The following SEC11A variants were observed in gnomAD, a reference collection of about 807,000 sequenced individuals.
SEC11A encodes the protein SEC11 homolog A, signal peptidase complex subunit, also known as signal peptidase complex catalytic subunit SEC11A.
A neutral mutation model predicts 25.6 loss-of-function variants in SEC11A; 14 were observed. The observed-to-expected ratio is 0.55, with a 90% confidence interval of 0.36 to 0.85. The LOEUF (loss-of-function observed/expected upper bound fraction) is 0.85, where lower values mean the gene tolerates loss of function less well. Ranked by LOEUF, SEC11A falls within the 40% of genes least tolerant of loss-of-function variation. The pLI is 0.01. For synonymous variants in SEC11A, 83 were observed against 76.4 expected, an observed-to-expected ratio of 1.09 and a Z score of -0.45; for missense variants, 153 against 222.9, an observed-to-expected ratio of 0.69 and a Z score of 2.00.
At chr15:84,695,582 G>C (rs1897743827) in intron 1 of SEC11A, among the ~76,000 whole-genome samples, 1 of 152,194 alleles carries the variant, frequency 6.6e-6, no homozygotes. Flanking sequence ...AGTGAGCTAT[G>C]ATTGCCCCAC....
chr15:84,687,744 T>A lies in SEC11A; in HGVS notation c.192A>T (p.Gly64=), dbSNP rs1897471954. The part of the protein sequence containing the change: ...SGSMEPAFHR[G]DLLFLTNRVE... ...CTCGATTTGTTAGAAAGAGAAGATC[T>A]CCTCTATGAAATGCAGGTTCCATGC... Residue 64 remains glycine, a synonymous_variant, in exon 3 of 6, where the codon GGA becomes GGT. Transcript: ENST00000268220. The A allele has an allele frequency of 1.9e-6, 3 of 1,600,422 alleles. No homozygotes were observed. The highest frequency in any genetic ancestry group is 2.5e-6 in the Non-Finnish European group (3 of 1,176,880).
intron 4 of SEC11A, chr15:84,673,159 G>A (rs1335712384): frequency 1.8e-4 from 30 of 162,202 alleles, no homozygotes; most frequent in African/African-American, 4.8e-4. Flanking sequence ...CAGGCCAGCC[G>A]CCCCGTCCGG....
Position 84,670,649 on chromosome 15 carries a change from G to A in SEC11A, c.489+76C>T, listed in dbSNP as rs1440064348. On this transcript the variant is annotated intron_variant, in intron 5 of 5. Coordinates refer to ENST00000268220, the MANE Select transcript of SEC11A (RefSeq NM_014300.4). ...CTCACCTCGGCCTCCCAGAGTGCTG[G>A]GATTACAGGCTTGAGCCACTGTGCC... The A allele has an allele frequency of 1.8e-5, 13 of 720,854 alleles. No individual in the cohort carries two copies. In the African/African-American group the frequency reaches 2.2e-4, roughly 12 times the overall value. The allele number at this position is 720,854 out of a possible 1,614,324, so 44.7% of individuals were successfully genotyped here.
intron 1 of SEC11A, among the ~76,000 whole-genome samples, chr15:84,698,563 A>G (rs927975910): frequency 4.6e-5 from 7 of 152,242 alleles, no homozygotes. Context: ...AATAAAATCA[A>G]TGCAGGACCT....
rs1395720698 is a variant in SEC11A, at chr15:84,676,505, G to C, written c.431+4208C>G. Among the ~76,000 whole-genome samples the C allele has an allele frequency of 2.0e-5, 3 of 151,492 alleles. No individual in the cohort carries two copies. In the East Asian group the frequency reaches 5.8e-4, roughly 29 times the overall value. ...ATGCATAAAGGAGGCGGAGTGCAGTGGCTCACATCTGTAATCCCAGCACTT... is the reference window on the plus strand; with the variant it reads ...ATGCATAAAGGAGGCGGAGTGCAGTCGCTCACATCTGTAATCCCAGCACTT... On this transcript the variant is annotated intron_variant, in intron 4 of 5. Coordinates refer to ENST00000268220, the MANE Select transcript of SEC11A (RefSeq NM_014300.4).
chr15:84,696,905 G>A (rs149435313), intron 1 of SEC11A, among the ~76,000 whole-genome samples: 11 of 151,936 alleles, frequency 7.2e-5, no homozygotes, highest in Admixed American at 2.6e-4. Flanking sequence ...AATGCCCACC[G>A]GGTGCAATGG....
rs542637902 is a variant in SEC11A, at chr15:84,702,031, C to G, written c.52-10387G>C. On this transcript the variant is annotated intron_variant, in intron 1 of 5. Transcript: ENST00000268220. ...GCAGTGAACCGAGATCGTGCCACTG[C>G]ACTCCAGCCTGGAGACACAGCGAGA... Among the ~76,000 whole-genome samples, 6 of 151,768 alleles carry G rather than the reference C, an allele frequency of 4.0e-5. No individual in the cohort carries two copies. The East Asian group carries it at 1.2e-3, about 30-fold the overall frequency.
rs556679608 is a variant in SEC11A at position 84,691,513 on chromosome 15, C to A, written c.161+22G>T. On this transcript the variant is annotated intron_variant, in intron 2 of 5. Coordinates refer to ENST00000268220, the MANE Select transcript of SEC11A (RefSeq NM_014300.4). ...CCAAGTAATGCCATGCAATTCCATG[C>A]CTTGAAAGGAAAAACTGTTACCTGA... is the stretch of plus-strand genomic sequence containing the variant. The A allele has an allele frequency of 3.8e-4, 509 of 1,347,022 alleles. 8 individuals are homozygous for A. The South Asian group carries it at 5.9e-3, about 16-fold the overall frequency. 83.4% of individuals were successfully genotyped at this position (1,347,022 alleles called of 1,614,324 possible). A position where few individuals can be genotyped will look rare whatever the true frequency, so the allele number is the denominator to read the frequency against.
Position 84,716,126 on chromosome 15 carries a change from CG to C in SEC11A, c.-52del. 1.3e-6 allele frequency: 2 copies of C among 1,567,054 alleles called. No homozygotes were observed. Among genetic ancestry groups the C allele is most frequent in the Non-Finnish European group, 1.8e-6 (2 of 1,139,250 alleles). On this transcript the variant is annotated 5_prime_UTR_variant, in exon 1 of 6. Transcript: ENST00000268220. ...GCAGGGGAAAGGGCGCGATGACCAG[CG>C]GGCGGAACTACTGGAGCTCGGGTCG... is the stretch of plus-strand genomic sequence containing the variant.
At chr15:84,715,914 A>C in intron 1 of SEC11A, 111 bp downstream of exon 1, 1 of 962,424 alleles carries the variant, frequency 1.0e-6, no homozygotes, top group Non-Finnish European at 1.6e-6. Context: ...TGACCCGGGT[A>C]TCAGACCAGC....
Position 84,687,731 on chromosome 15 carries a change from G to T in SEC11A, c.205C>A (p.Leu69Ile). The change falls in exon 3 of 6, where the codon CTA becomes ATA. Residue 69 changes from leucine (L) to isoleucine (I), a missense_variant. Leu to Ile is a conservative substitution (Grantham distance 5). Transcript: ENST00000268220. The part of the protein sequence containing the change: ...PAFHRGDLLF[L>I]TNRVEDPIRV... The stretch of plus-strand genomic sequence containing the variant: ...ATGGGATCTTCAACTCGATTTGTTA[G>T]AAAGAGAAGATCTCCTCTATGAAAT... The T allele has an allele frequency of 1.2e-6, 2 of 1,602,980 alleles. No individual in the cohort carries two copies. Among genetic ancestry groups the T allele is most frequent in the Non-Finnish European group, 1.7e-6 (2 of 1,177,216 alleles).
At chr15:84,697,467 T>C in intron 1 of SEC11A, among the ~76,000 whole-genome samples, 1 of 152,198 alleles carries the variant, frequency 6.6e-6, no homozygotes, top group African/African-American at 2.4e-5. Context: ...TTAAAGTTCC[T>C]GATTATGTAT....
intron 1 of SEC11A, among the ~76,000 whole-genome samples, chr15:84,704,683 C>T (rs1011380813): frequency 6.6e-6 from 1 of 152,112 alleles, no homozygotes; most frequent in Admixed American, 6.6e-5. Context: ...CACTCTCTGC[C>T]AAATTTCTTA....
chr15:84,700,424 T>C (rs916785076), intron 1 of SEC11A, among the ~76,000 whole-genome samples: 1 of 150,736 alleles, frequency 6.6e-6, no homozygotes, highest in Non-Finnish European at 1.5e-5. Context: ...TAAAATCCCA[T>C]CTCTACTAAA....
intron 1 of SEC11A, among the ~76,000 whole-genome samples, chr15:84,694,128 G>A (rs1286595272): frequency 6.6e-6 from 1 of 152,138 alleles, no homozygotes; most frequent in Non-Finnish European, 1.5e-5. Context: ...GCTGAGGTGG[G>A]TGGATCACTT....
intron 3 of SEC11A, among the ~76,000 whole-genome samples, 190 bp downstream of exon 3, chr15:84,687,435 G>A (rs966650857): frequency 6.6e-6 from 1 of 152,192 alleles, no homozygotes; most frequent in East Asian, 1.9e-4. Context: ...TTCAGGGAAA[G>A]AAATGAACTA....
At chr15:84,687,602 A>G in intron 3 of SEC11A, 23 bp downstream of exon 3, 1 of 1,518,358 alleles carries the variant, frequency 6.6e-7, no homozygotes, top group Non-Finnish European at 8.8e-7. Context: ...CTTAGAAACA[A>G]AGATGCTATA....
chr15:84,688,575 A>G (rs562706147), intron 2 of SEC11A, among the ~76,000 whole-genome samples: 1 of 152,348 alleles, frequency 6.6e-6, no homozygotes, highest in African/African-American at 2.4e-5. Flanking sequence ...GGTTTTCTAT[A>G]ACAACAGCTT....
At chr15:84,698,802 T>C (rs1020135741) in intron 1 of SEC11A, among the ~76,000 whole-genome samples, 2 of 152,192 alleles carry the variant, frequency 1.3e-5, no homozygotes, top group Admixed American at 1.3e-4. Context: ...TGGAACATTT[T>C]GGATTTTGGA....
Sources: allele counts gnomAD v4.1 joint callset (sites outside exome capture counted in the v4.1 genomes callset), GRCh38; gene constraint gnomAD v4.1.1; transcripts MANE v1.5; gene names NCBI Gene and HGNC (gene_info 2026-07-23, HGNC 2026-07-21).